The following YPEL3 variants were observed in gnomAD, a reference collection of about 807,000 sequenced individuals.
The protein encoded by YPEL3 is yippee like 3.
In YPEL3, 5 loss-of-function variants were observed where a neutral mutation model predicts 17.5. That is an observed-to-expected ratio of 0.29 (90% CI 0.15 to 0.60). The LOEUF (loss-of-function observed/expected upper bound fraction) is 0.60, where lower values mean the gene tolerates loss of function less well. Among genes scored for constraint, YPEL3 ranks in the 20% least tolerant of loss-of-function variants. The pLI is 0.87. For missense variants in YPEL3, 155 were observed against 211.4 expected, an observed-to-expected ratio of 0.73 and a Z score of 1.65; for synonymous variants, 87 against 87.2, an observed-to-expected ratio of 1.00 and a Z score of 0.01.
Position 30,094,807 on chromosome 16 carries a change from G to A in YPEL3, c.366C>T (p.Thr122=). Residue 122 remains threonine, a synonymous_variant, in exon 3 of 4, where the codon ACC becomes ACT. Coordinates refer to ENST00000398841, the MANE Select transcript of YPEL3 (RefSeq NM_031477.5). ...VADIHCENCK[T]TLGWKYEQAF... ...GACTCACATATTTCCAGCCCAAAGT[G>A]GTCTTGCAGTTCTCGCAGTGGATGT... 1.9e-6 allele frequency: 3 copies of A among 1,614,172 alleles called. No individual in the cohort carries two copies. The highest frequency in any genetic ancestry group is 2.2e-5 in the South Asian group (2 of 91,088).
Position 30,092,722 on chromosome 16 carries a change from GT to G in YPEL3, c.461del (p.Asn154ThrfsTer?), listed in dbSNP as rs750790982. 1 of 1,614,130 alleles carries G rather than the reference GT, an allele frequency of 6.2e-7. No individual in the cohort carries two copies. Among genetic ancestry groups the G allele is most frequent in the Non-Finnish European group, 8.5e-7 (1 of 1,179,986 alleles). ...GGGGGAGCGGGGGTCAGTCCCAGCC[GT>G]TGTCTTTGATCATGTGGTTGAGTTC... ...IIELNHMIKDNGWD is the reference protein window; with the variant it reads ...IIELNHMIKDXGWD On this transcript the variant is annotated frameshift_variant, in exon 4 of 4. Coordinates refer to ENST00000398841, the MANE Select transcript of YPEL3 (RefSeq NM_031477.5). LOFTEE classifies it high-confidence loss of function.
At chr16:30,094,508 G>A in intron 3 of YPEL3, 1 of 453,990 alleles carries the variant, frequency 2.2e-6, no homozygotes, top group Non-Finnish European at 4.1e-6. Flanking sequence ...TAGACGCCAG[G>A]CACACAACAG....
chr16:30,094,634 T>C (rs1292548469), intron 3 of YPEL3, 155 bp downstream of exon 3: 1 of 730,964 alleles, frequency 1.4e-6, no homozygotes, highest in Admixed American at 2.1e-5. Context: ...CTACACCCCT[T>C]GCAAGGTGCA....
chr16:30,093,993 T>A (rs1007377044), intron 3 of YPEL3: 2 of 152,618 alleles, frequency 1.3e-5, no homozygotes, highest in African/African-American at 4.8e-5. Flanking sequence ...CAGGGCTGGC[T>A]GGCTGGCTCT....
In YPEL3 at chr16:30,095,547, G is replaced by A; in HGVS notation, c.-65C>T. 1 of 1,350,954 alleles carries A rather than the reference G, an allele frequency of 7.4e-7. No individual in the cohort carries two copies. The highest frequency in any genetic ancestry group is 1.5e-5 in the African/African-American group (1 of 67,916). The allele number at this position is 1,350,954 out of a possible 1,614,324, so 83.7% of individuals were successfully genotyped here. ...ACTGGGCTGCTCTCTCCTTTCCCCAGAGCCAGCAGCCTCTCCGGGGACCAG... is the reference window on the plus strand; with the variant it reads ...ACTGGGCTGCTCTCTCCTTTCCCCAAAGCCAGCAGCCTCTCCGGGGACCAG... On this transcript the variant is annotated 5_prime_UTR_variant, in exon 1 of 4. Transcript: ENST00000398841. The surrounding 1 kb of genome is among the most constrained non-coding windows in gnomAD (Gnocchi z 5.4).
rs1385871373 is a variant in YPEL3, at chr16:30,095,842, A to AG, written c.-361dup. ...GTGGTTTAGGGGGTTCATCGGGGAG[A>AG]GGGTCCCCCACCTGGAGGAGGTAGG... On this transcript the variant is annotated 5_prime_UTR_variant, in exon 1 of 4. Transcript: ENST00000398841. The surrounding 1 kb of genome is among the most constrained non-coding windows in gnomAD (Gnocchi z 5.4). 4.1e-6 allele frequency: 1 copy of AG among 242,870 alleles called. No individual in the cohort carries two copies. Among genetic ancestry groups the AG allele is most frequent in the Non-Finnish European group, 8.0e-6 (1 of 124,878 alleles). 15.0% of individuals were successfully genotyped at this position (242,870 alleles called of 1,614,324 possible).
Position 30,092,731 on chromosome 16 carries a change from G to A in YPEL3, c.453C>T (p.Ile151=), listed in dbSNP as rs371838794. The A allele has an allele frequency of 1.9e-6, 3 of 1,614,078 alleles. No individual in the cohort carries two copies. In the African/African-American group the frequency reaches 4.0e-5, roughly 22 times the overall value. The change falls in exon 4 of 4, where the codon ATC becomes ATT. Residue 151 remains isoleucine (I), a synonymous_variant. Transcript: ENST00000398841. ...GGGGTCAGTCCCAGCCGTTGTCTTT[G>A]ATCATGTGGTTGAGTTCAATGATGT... The part of the protein sequence containing the change: ...GKYIIELNHM[I]KDNGWD
chr16:30,095,103 A>G lies in YPEL3; in HGVS notation c.275T>C (p.Val92Ala). The G allele has an allele frequency of 6.2e-7, 1 of 1,614,106 alleles. No individual in the cohort carries two copies. The highest frequency in any genetic ancestry group is 8.5e-7 in the Non-Finnish European group (1 of 1,179,998). ...GCAAGAAGGGAGGCCAGATACTCAC[A>G]CTGAGTTGAAGAGGTAGGCACGCCC... ...SQGRAYLFNSVVNVGCGPAEE... is the reference protein window; with the variant it reads ...SQGRAYLFNSAVNVGCGPAEE... Residue 92 changes from valine (V) to alanine (A), a missense_variant and splice_region_variant, in exon 2 of 4, where the codon GTG (valine) becomes GCG (alanine). By Grantham distance (64) the Val-to-Ala change is moderately conservative (BLOSUM62 0). Coordinates refer to ENST00000398841, the MANE Select transcript of YPEL3 (RefSeq NM_031477.5). This position sits in a 1 kb window ranked among gnomAD's most constrained non-coding sequence, Gnocchi z 5.4.
Position 30,094,902 on chromosome 16 carries a change from G to C in YPEL3, c.276-5C>G, listed in dbSNP as rs1402136513. On this transcript the variant is annotated splice_polypyrimidine_tract_variant and splice_region_variant and intron_variant, in intron 2 of 3. Coordinates refer to ENST00000398841, the MANE Select transcript of YPEL3 (RefSeq NM_031477.5). ...GGCCCGCAGCCCACGTTCACCCTGT[G>C]GGGACATGGGGTAGTCCCAGGGAGG... The C allele has an allele frequency of 1.9e-6, 3 of 1,610,902 alleles. No homozygotes were observed. The highest frequency in any genetic ancestry group is 2.5e-6 in the Non-Finnish European group (3 of 1,178,430).
rs1169075989 is a variant in YPEL3 at position 30,095,203 on chromosome 16, G to T, written c.231+49C>A. On this transcript the variant is annotated intron_variant, in intron 1 of 3. Transcript: ENST00000398841. This position sits in a 1 kb window ranked among gnomAD's most constrained non-coding sequence, Gnocchi z 5.4. The stretch of plus-strand genomic sequence containing the variant: ...GGGTCAGGGCTGCCGGTGGGGAGCT[G>T]CCAGGCAGCCCCTATAGGTTCCAGC... 1 of 1,613,812 alleles carries T rather than the reference G, an allele frequency of 6.2e-7. No individual in the cohort carries two copies. Among genetic ancestry groups the T allele is most frequent in the Admixed American group, 1.7e-5 (1 of 60,030 alleles).
Position 30,092,608 on chromosome 16 carries a change from A to C in YPEL3, c.*102T>G, listed in dbSNP as rs2072743802. The stretch of plus-strand genomic sequence containing the variant: ...TACAGGAGCTAGATCCGTCCTCTGC[A>C]GGGGCTCTGAGGGTCCAGAGCTCCC... On this transcript the variant is annotated 3_prime_UTR_variant, in exon 4 of 4. Coordinates refer to ENST00000398841, the MANE Select transcript of YPEL3 (RefSeq NM_031477.5). 1 of 1,037,624 alleles carries C rather than the reference A, an allele frequency of 9.6e-7. No homozygotes were observed. Among genetic ancestry groups the C allele is most frequent in the Non-Finnish European group, 1.5e-6 (1 of 671,328 alleles). The allele number at this position is 1,037,624 out of a possible 1,614,324, so 64.3% of individuals were successfully genotyped here.
In YPEL3 at chr16:30,094,777, T is replaced by C. The variant is rs779807399; in HGVS notation, c.384+12A>G. 3 of 1,613,072 alleles carry C rather than the reference T, an allele frequency of 1.9e-6. No individual in the cohort carries two copies. The highest frequency in any genetic ancestry group is 2.2e-5 in the South Asian group (2 of 91,048). On this transcript the variant is annotated intron_variant, in intron 3 of 3. Transcript: ENST00000398841. ...TCAAAGGCTAGCCTGGGGTCAGAGGTGGGTGACTCACATATTTCCAGCCCA... is the reference window on the plus strand; with the variant it reads ...TCAAAGGCTAGCCTGGGGTCAGAGGCGGGTGACTCACATATTTCCAGCCCA...
chr16:30,096,056 G>A lies in YPEL3; in HGVS notation c.-574C>T, dbSNP rs1210442188. The A allele has an allele frequency of 6.6e-6, 1 of 150,756 alleles. No homozygotes were observed. The highest frequency in any genetic ancestry group is 1.5e-5 in the Non-Finnish European group (1 of 67,514). The allele number at this position is 150,756 out of a possible 1,614,324, so 9.3% of individuals were successfully genotyped here. ...GGGGCAGTCCTCGCGGGCTGGGCAG[G>A]GGCGCGGGGCGACACGCAGCCCTGA... On this transcript the variant is annotated 5_prime_UTR_variant, in exon 1 of 4. Transcript: ENST00000398841.
In YPEL3 at chr16:30,095,395, C is replaced by T; in HGVS notation, c.88G>A (p.Val30Met). 6.2e-7 allele frequency: 1 copy of T among 1,612,184 alleles called. No homozygotes were observed. Among genetic ancestry groups the T allele is most frequent in the East Asian group, 2.2e-5 (1 of 44,886 alleles). ...GCGGGGGCCGGGGGCAGTGGCCCCACGCGGGGAGCGGCCCACGGGGAGCAG... is the reference window on the plus strand; with the variant it reads ...GCGGGGGCCGGGGGCAGTGGCCCCATGCGGGGAGCGGCCCACGGGGAGCAG... Reference protein sequence around the residue: ...SLCSPWAAPRVGPLPPAPAMV... With the variant: ...SLCSPWAAPRMGPLPPAPAMV... The change falls in exon 1 of 4, where the codon GTG (valine) becomes ATG (methionine). Residue 30 changes from valine (V) to methionine (M), a missense_variant. Physicochemically the swap from Val to Met is conservative, Grantham distance 21. Around this residue, in one of 3 missense-constraint regions of YPEL3, gnomAD observed 58 missense variants for 60.0 expected, o/e 0.97. Coordinates refer to ENST00000398841, the MANE Select transcript of YPEL3 (RefSeq NM_031477.5). This position sits in a 1 kb window ranked among gnomAD's most constrained non-coding sequence, Gnocchi z 5.4.
chr16:30,095,190 C>G lies in YPEL3; in HGVS notation c.232-44G>C, dbSNP rs1266821209. On this transcript the variant is annotated intron_variant, in intron 1 of 3. Coordinates refer to ENST00000398841, the MANE Select transcript of YPEL3 (RefSeq NM_031477.5). This position sits in a 1 kb window ranked among gnomAD's most constrained non-coding sequence, Gnocchi z 5.4. Reference sequence around the variant, plus strand: ...GGAAGAGAGGAGGGGGTCAGGGCTGCCGGTGGGGAGCTGCCAGGCAGCCCC... The same window carrying G: ...GGAAGAGAGGAGGGGGTCAGGGCTGGCGGTGGGGAGCTGCCAGGCAGCCCC... The G allele has an allele frequency of 6.2e-7, 1 of 1,614,028 alleles. No homozygotes were observed. Among genetic ancestry groups the G allele is most frequent in the Non-Finnish European group, 8.5e-7 (1 of 1,179,940 alleles).
chr16:30,092,584 A>G lies in YPEL3; in HGVS notation c.*126T>C. 1 of 788,342 alleles carries G rather than the reference A, an allele frequency of 1.3e-6. No individual in the cohort carries two copies. The highest frequency in any genetic ancestry group is 3.2e-4 in the Middle Eastern group (1 of 3,086). The allele number at this position is 788,342 out of a possible 1,614,324, so 48.8% of individuals were successfully genotyped here. On this transcript the variant is annotated 3_prime_UTR_variant, in exon 4 of 4. Transcript: ENST00000398841. The stretch of plus-strand genomic sequence containing the variant: ...ACAGTGCATGCAATAAAATATATAT[A>G]CAGGAGCTAGATCCGTCCTCTGCAG...
Position 30,095,267 on chromosome 16 carries a change from G to A in YPEL3, c.216C>T (p.Asp72=), listed in dbSNP as rs1327719874. The A allele has an allele frequency of 2.5e-6, 4 of 1,614,188 alleles. No homozygotes were observed. Among genetic ancestry groups the A allele is most frequent in the Non-Finnish European group, 3.4e-6 (4 of 1,180,000 alleles). ...GGTTGGTTACCTTGGAGATGAGGTC[G>A]TCGTGGTTGGCCAGGTGAGCGCGGC... ...AHCRAHLANH[D]DLISKSFQGS... The change falls in exon 1 of 4, where the codon GAC becomes GAT. Residue 72 remains aspartate (D), a synonymous_variant. Coordinates refer to ENST00000398841, the MANE Select transcript of YPEL3 (RefSeq NM_031477.5). This position sits in a 1 kb window ranked among gnomAD's most constrained non-coding sequence, Gnocchi z 5.4.
intron 2 of YPEL3, 103 bp from the exon 3 acceptor site, chr16:30,095,000 T>C (rs1482017929): frequency 1.1e-5 from 18 of 1,600,638 alleles, no homozygotes; most frequent in Non-Finnish European, 1.5e-5. Context: ...ATGCTCACAA[T>C]TTCCTGCCTG....
At position 30,095,398 on chromosome 16, in the gene YPEL3, G is replaced by T. The variant is rs1393314885; in HGVS notation, c.85C>A (p.Arg29Ser). Residue 29 changes from arginine to serine, a missense_variant, in exon 1 of 4, where the codon CGC (arginine) becomes AGC (serine). Transcript: ENST00000398841. This position sits in a 1 kb window ranked among gnomAD's most constrained non-coding sequence, Gnocchi z 5.4. ...GGGGCCGGGGGCAGTGGCCCCACGC[G>T]GGGAGCGGCCCACGGGGAGCAGAGG... ...GSLCSPWAAP[R>S]VGPLPPAPAM... The T allele has an allele frequency of 6.2e-7, 1 of 1,612,166 alleles. No individual in the cohort carries two copies. The highest frequency in any genetic ancestry group is 1.1e-5 in the South Asian group (1 of 90,928).
Sources: gnomAD v4.1 joint callset for allele counts on GRCh38, gnomAD v4.1.1 for gene constraint, gnomAD v4.1.1 regional missense constraint, Gnocchi (gnomAD v3.1) non-coding constraint, MANE v1.5 for transcripts, NCBI Gene and HGNC (gene_info 2026-07-23, HGNC 2026-07-21) for gene names.